Variants in SLC35E3 observed in about 807,000 individuals in gnomAD.
SLC35E3 encodes the protein bladder cancer-overexpressed gene 1 protein.
SLC35E3 carries 28 observed loss-of-function variants against 30.8 expected under a neutral mutation model. That is an observed-to-expected ratio of 0.91 (90% CI 0.67 to 1.25). SLC35E3 has a LOEUF of 1.25. Among genes scored for constraint, SLC35E3 ranks in the 50% most tolerant of loss-of-function variants. The pLI, the probability that SLC35E3 is intolerant of heterozygous loss-of-function variation, is 0.00. For missense variants in SLC35E3, 365 were observed against 375.4 expected, an observed-to-expected ratio of 0.97 and a Z score of 0.23; for synonymous variants, 146 against 149.2, an observed-to-expected ratio of 0.98 and a Z score of 0.16.
chr12:68,762,779 G>A (rs1879268336), intron 4 of SLC35E3, among the ~76,000 whole-genome samples: 1 of 152,188 alleles, frequency 6.6e-6, no homozygotes, highest in Non-Finnish European at 1.5e-5. Context: ...CAACAACCTT[G>A]GGAAGATCCT....
rs1380813541 is a variant in SLC35E3 at position 68,780,558 on chromosome 12, A to T, written c.*15668A>T. On this transcript the variant is annotated 3_prime_UTR_variant, in exon 5 of 5. Coordinates refer to ENST00000398004, the MANE Select transcript of SLC35E3 (RefSeq NM_018656.5). ...GCTGGAGTGCAATGGCATGATCTGG[A>T]CTCACCGCAACCTCCGCCTCCTGGG... The T allele has an allele frequency of 1.5e-5, 2 of 132,356 alleles. No homozygotes were observed. The highest frequency in any genetic ancestry group is 6.0e-5 in the African/African-American group (2 of 33,522). 8.2% of individuals were successfully genotyped at this position (132,356 alleles called of 1,614,324 possible).
In SLC35E3 at chr12:68,769,067, C is replaced by T. The variant is rs569079012; in HGVS notation, c.*4177C>T. 31 of 151,268 alleles carry T rather than the reference C, an allele frequency of 2.0e-4. No individual in the cohort carries two copies. The highest frequency in any genetic ancestry group is 6.6e-4 in the African/African-American group (27 of 41,168). 9.4% of individuals were successfully genotyped at this position (151,268 alleles called of 1,614,324 possible). A position where few individuals can be genotyped will look rare whatever the true frequency, so the allele number is the denominator to read the frequency against. On this transcript the variant is annotated 3_prime_UTR_variant, in exon 5 of 5. Transcript: ENST00000398004. ...GACCAGCCTGGCCAATATGGTGAAA[C>T]CTTGTCTCTACTAAAAATACAAAAA...
At position 68,759,231 on chromosome 12, in the gene SLC35E3, A is replaced by C. The variant is rs1336836278; in HGVS notation, c.747A>C (p.Ser249=). 7 of 1,610,944 alleles carry C rather than the reference A, an allele frequency of 4.3e-6. No homozygotes were observed. In the East Asian group the frequency reaches 6.7e-5, roughly 15 times the overall value. The stretch of plus-strand genomic sequence containing the variant: ...TTTATTGGATCATTGGGAACACTTC[A>C]CCTGTCACGTATCCTTTTCATATAA... The part of the protein sequence containing the change: ...LSIYWIIGNT[S]PVTYNMFGHF... Residue 249 remains serine (S), a synonymous_variant, in exon 4 of 5, where the codon TCA becomes TCC. Coordinates refer to ENST00000398004, the MANE Select transcript of SLC35E3 (RefSeq NM_018656.5).
In SLC35E3 at chr12:68,767,234, A is replaced by C. The variant is rs1326185022; in HGVS notation, c.*2344A>C. Reference sequence around the variant, plus strand: ...GTTGATAATTTCATATAATAAATTGAGACATATCATTACTCTTGTAATAAT... The same window carrying C: ...GTTGATAATTTCATATAATAAATTGCGACATATCATTACTCTTGTAATAAT... On this transcript the variant is annotated 3_prime_UTR_variant, in exon 5 of 5. Transcript: ENST00000398004. 1 of 152,282 alleles carries C rather than the reference A, an allele frequency of 6.6e-6. No individual in the cohort carries two copies. The highest frequency in any genetic ancestry group is 1.5e-5 in the Non-Finnish European group (1 of 68,072). 9.4% of individuals were successfully genotyped at this position (152,282 alleles called of 1,614,324 possible). A position where few individuals can be genotyped will look rare whatever the true frequency, so the allele number is the denominator to read the frequency against.
intron 3 of SLC35E3, among the ~76,000 whole-genome samples, chr12:68,756,971 T>C (rs184489270): frequency 1.1e-4 from 17 of 152,292 alleles, no homozygotes; most frequent in African/African-American, 3.4e-4. Flanking sequence ...GCCGAGATCG[T>C]GCCACTGCAC....
intron 4 of SLC35E3, among the ~76,000 whole-genome samples, chr12:68,764,426 T>C (rs1879316855): frequency 6.6e-6 from 1 of 152,188 alleles, no homozygotes; most frequent in African/African-American, 2.4e-5. Context: ...GTAGCTGGGA[T>C]TGAAGGCATG....
At chr12:68,754,078 C>T (rs1348770865) in intron 3 of SLC35E3, among the ~76,000 whole-genome samples, 1 of 152,118 alleles carries the variant, frequency 6.6e-6, no homozygotes, top group African/African-American at 2.4e-5. Context: ...ATCTCTTGAC[C>T]TCGTGACCCA....
rs1879610443 is a variant in SLC35E3 at position 68,771,884 on chromosome 12, A to G, written c.*6994A>G. The G allele has an allele frequency of 6.6e-6, 1 of 152,192 alleles. No homozygotes were observed. Among genetic ancestry groups the G allele is most frequent in the African/African-American group, 2.4e-5 (1 of 41,438 alleles). 9.4% of individuals were successfully genotyped at this position (152,192 alleles called of 1,614,324 possible). ...CTTCACCTATAAAATGAGGGCTTTG[A>G]TCCAAATAATTTCCAGGGGACTGTC... On this transcript the variant is annotated 3_prime_UTR_variant, in exon 5 of 5. Transcript: ENST00000398004.
rs1449148274 is a variant in SLC35E3 at position 68,771,166 on chromosome 12, TAGG to T, written c.*6280_*6282del. On this transcript the variant is annotated 3_prime_UTR_variant, in exon 5 of 5. Transcript: ENST00000398004. ...GTGCATGCCTATAATCCCAGCTACT[TAGG>T]AGGCTGAGGCAGGAGAATCGCTTGA... 3.3e-5 allele frequency: 5 copies of T among 149,264 alleles called. No homozygotes were observed. Among genetic ancestry groups the T allele is most frequent in the Admixed American group, 1.3e-4 (2 of 15,012 alleles). 9.2% of individuals were successfully genotyped at this position (149,264 alleles called of 1,614,324 possible).
chr12:68,764,598 T>G, intron 4 of SLC35E3, 106 bp from the exon 5 acceptor site: 1 of 1,064,082 alleles, frequency 9.4e-7, no homozygotes. Context: ...CCATTGTTCT[T>G]TACATCTGAT....
chr12:68,751,860 A>G (rs557404039), intron 2 of SLC35E3, among the ~76,000 whole-genome samples, 172 bp from the exon 3 acceptor site: 21 of 152,342 alleles, frequency 1.4e-4, no homozygotes, highest in African/African-American at 5.0e-4. Flanking sequence ...CATGGTGCTT[A>G]AAGGGCATTC....
At position 68,762,627 on chromosome 12, in the gene SLC35E3, C is replaced by T. The variant is rs549229886; in HGVS notation, c.756-2077C>T. 2.4e-4 allele frequency among the ~76,000 whole-genome samples: 36 copies of T among 152,260 alleles called. 1 individual carries two copies. Among genetic ancestry groups the T allele is most frequent in the African/African-American group, 8.4e-4 (35 of 41,554 alleles). On this transcript the variant is annotated intron_variant, in intron 4 of 4. Coordinates refer to ENST00000398004, the MANE Select transcript of SLC35E3 (RefSeq NM_018656.5). ...TTGTTGTTGCTTTTACAAAAGGATTCATAAATAGTTTCTTTAAATTTGACT... is the reference window on the plus strand; with the variant it reads ...TTGTTGTTGCTTTTACAAAAGGATTTATAAATAGTTTCTTTAAATTTGACT...
chr12:68,756,980 A>G (rs934520207), intron 3 of SLC35E3, among the ~76,000 whole-genome samples: 1 of 152,232 alleles, frequency 6.6e-6, no homozygotes, highest in Non-Finnish European at 1.5e-5. Flanking sequence ...GTGCCACTGC[A>G]CTCCAGCCTG....
At chr12:68,749,584 T>C (rs1450912533) in intron 2 of SLC35E3, among the ~76,000 whole-genome samples, 8 of 152,140 alleles carry the variant, frequency 5.3e-5, no homozygotes, top group Non-Finnish European at 1.2e-4. Flanking sequence ...CAGTAGCATA[T>C]GTACCCCAAG....
Position 68,746,591 on chromosome 12 carries a change from C to T in SLC35E3, c.214C>T (p.Leu72=). 6.2e-7 allele frequency: 1 copy of T among 1,614,234 alleles called. No individual in the cohort carries two copies. The highest frequency in any genetic ancestry group is 1.3e-5 in the African/African-American group (1 of 75,072). Residue 72 remains leucine (L), a synonymous_variant, in exon 1 of 5, where the codon CTG becomes TTG. Coordinates refer to ENST00000398004, the MANE Select transcript of SLC35E3 (RefSeq NM_018656.5). The part of the protein sequence containing the change: ...QKLDIFAPKS[L]PPSRLLLLAL... ...GCTGGACATCTTTGCCCCCAAAAGT[C>T]TGCCGCCCTCCAGGCTCCTCCTCCT...
chr12:68,760,859 G>A (rs906427949), intron 4 of SLC35E3, among the ~76,000 whole-genome samples: 1 of 152,178 alleles, frequency 6.6e-6, no homozygotes, highest in Non-Finnish European at 1.5e-5. Flanking sequence ...TATATACAGT[G>A]TTGGATAGTG....
At chr12:68,763,075 A>G (rs2136078391) in intron 4 of SLC35E3, among the ~76,000 whole-genome samples, 1 of 152,372 alleles carries the variant, frequency 6.6e-6, no homozygotes, top group East Asian at 1.9e-4. Context: ...GAATGTGTCA[A>G]GCACCAAGCA....
At chr12:68,747,231 A>G (rs1295269380) in intron 1 of SLC35E3, among the ~76,000 whole-genome samples, 1 of 151,990 alleles carries the variant, frequency 6.6e-6, no homozygotes, top group Non-Finnish European at 1.5e-5. Flanking sequence ...GGTGGACTCA[A>G]TTTTAGCACT....
At chr12:68,759,086 T>G in intron 3 of SLC35E3, 71 bp from the exon 4 acceptor site, 1 of 1,106,180 alleles carries the variant, frequency 9.0e-7, no homozygotes, top group Non-Finnish European at 1.3e-6. Flanking sequence ...AAATGCCGAA[T>G]GAAATGTATC....
Sources: allele counts gnomAD v4.1 joint callset (sites outside exome capture counted in the v4.1 genomes callset), GRCh38; gene constraint gnomAD v4.1.1; transcripts MANE v1.5; gene names NCBI Gene and HGNC (gene_info 2026-07-23, HGNC 2026-07-21).